IL1RAPL2: variants seen among roughly 807,000 people sequenced by gnomAD.
IL1RAPL2 encodes X-linked interleukin-1 receptor accessory protein-like 2.
A neutral mutation model predicts 44.1 loss-of-function variants in IL1RAPL2; 3 were observed. The observed-to-expected ratio is 0.07, with a 90% CI of 0.03 to 0.18. IL1RAPL2 has a LOEUF of 0.18. IL1RAPL2 is among the 10% of genes least tolerant of loss of function. IL1RAPL2 has a pLI of 1.00. For missense variants in IL1RAPL2, 391 were observed against 496.4 expected (o/e 0.79, Z 2.02); for synonymous variants, 181 against 178.8 (o/e 1.01, Z -0.10).
At chrX:104,804,986 G>T (rs766314222) in intron 2 of IL1RAPL2, among the ~76,000 whole-genome samples, 1 of 112,115 alleles carries the variant, frequency 8.9e-6, no homozygotes, top group East Asian at 2.8e-4. Context: ...TGTTCTAGAG[G>T]TTGCAAGAAG....
intron 6 of IL1RAPL2, among the ~76,000 whole-genome samples, chrX:105,699,160 A>T (rs186204276): frequency 6.3e-5 from 7 of 111,491 alleles, no homozygotes; most frequent in African/African-American, 2.0e-4. Flanking sequence ...AATCAATTTT[A>T]TACTTAATTT....
intron 5 of IL1RAPL2, among the ~76,000 whole-genome samples, chrX:105,315,153 G>A (rs1031490832): frequency 1.8e-5 from 2 of 110,722 alleles, no homozygotes; most frequent in African/African-American, 3.3e-5. Context: ...ATTAATGTTA[G>A]TCCCCCATCC....
intron 2 of IL1RAPL2, among the ~76,000 whole-genome samples, chrX:104,915,173 G>T (rs948296132): frequency 9.0e-6 from 1 of 111,277 alleles, no homozygotes; most frequent in African/African-American, 3.3e-5. Context: ...CTAGTTTACA[G>T]TCCCACCAAC....
intron 5 of IL1RAPL2, among the ~76,000 whole-genome samples, chrX:105,295,785 T>C (rs1268766638): frequency 8.9e-6 from 1 of 111,816 alleles, no homozygotes; most frequent in Non-Finnish European, 1.9e-5. Flanking sequence ...ATCTAGAGTA[T>C]AGCACTGAAT....
chrX:104,963,989 C>G (rs751770372), intron 2 of IL1RAPL2, among the ~76,000 whole-genome samples: 2 of 109,390 alleles, frequency 1.8e-5, no homozygotes, highest in South Asian at 8.0e-4. Flanking sequence ...AGATATGACC[C>G]TTTATGGATC....
At chrX:105,323,850 T>TG (rs2034914691) in intron 5 of IL1RAPL2, among the ~76,000 whole-genome samples, 1 of 107,980 alleles carries the variant, frequency 9.3e-6, no homozygotes. Flanking sequence ...CACTCCAGTC[T>TG]GGGCAACAGA....
chrX:105,102,189 G>A (rs1031181425), intron 2 of IL1RAPL2, among the ~76,000 whole-genome samples: 1 of 111,347 alleles, frequency 9.0e-6, no homozygotes, highest in African/African-American at 3.3e-5. Context: ...CTGATTTCAT[G>A]TCATCCTCTT....
At chrX:105,184,968 T>G (rs923133208) in intron 2 of IL1RAPL2, among the ~76,000 whole-genome samples, 51 of 111,878 alleles carry the variant, frequency 4.6e-4, no homozygotes, top group African/African-American at 1.6e-3. Flanking sequence ...ATTATCTGTG[T>G]GTCAGTCCCT....
chrX:104,577,079 C>G (rs930097532), intron 1 of IL1RAPL2, among the ~76,000 whole-genome samples: 2 of 112,139 alleles, frequency 1.8e-5, no homozygotes, highest in Admixed American at 1.9e-4. Context: ...GACTTTCTAA[C>G]TCCATTCATT....
At chrX:105,489,787 T>TTCTCTCTCTCTCTCTCTCTCTCTC (rs36081932) in intron 6 of IL1RAPL2, among the ~76,000 whole-genome samples, 1 of 73,371 alleles carries the variant, frequency 1.4e-5, no homozygotes, top group African/African-American at 5.4e-5. Context: ...CTTTCTCTCT[T>TTCTCTCTCTCTCTCTCTCTCTCTC]TCTCTCTCTC....
chrX:104,579,652 A>G (rs1235065211), intron 1 of IL1RAPL2, among the ~76,000 whole-genome samples: 6 of 111,825 alleles, frequency 5.4e-5, no homozygotes, highest in African/African-American at 2.0e-4. Context: ...ATCAGGCACT[A>G]GCCTTAGTAC....
chrX:105,660,836 C>G (rs941710042), intron 6 of IL1RAPL2, among the ~76,000 whole-genome samples: 2 of 110,262 alleles, frequency 1.8e-5, no homozygotes, highest in Non-Finnish European at 3.8e-5. Context: ...ATTGCCTTCA[C>G]TAAAAGGAAG....
chrX:105,568,046 T>TAGG (rs1191094697), intron 6 of IL1RAPL2, among the ~76,000 whole-genome samples: 3 of 111,187 alleles, frequency 2.7e-5, no homozygotes, highest in Non-Finnish European at 3.8e-5. Context: ...ATAGGAGAGA[T>TAGG]AATTGAACTG....
chrX:104,946,289 C>T (rs1925348585), intron 2 of IL1RAPL2, among the ~76,000 whole-genome samples: 2 of 88,945 alleles, frequency 2.2e-5, no homozygotes, highest in African/African-American at 4.3e-5. Flanking sequence ...AGGAGAATGG[C>T]GTGAACCCGG....
chrX:105,244,610 T>C (rs2034203919), intron 4 of IL1RAPL2, among the ~76,000 whole-genome samples: 1 of 111,555 alleles, frequency 9.0e-6, no homozygotes, highest in Non-Finnish European at 1.9e-5. Context: ...CGATCCCCAG[T>C]TGTTCCAAGA....
chrX:105,539,889 G>A (rs1400700789), intron 6 of IL1RAPL2, among the ~76,000 whole-genome samples: 5 of 111,470 alleles, frequency 4.5e-5, no homozygotes, highest in Admixed American at 3.8e-4. Flanking sequence ...CTCAAAAGAA[G>A]ACACACAAGC....
intron 2 of IL1RAPL2, among the ~76,000 whole-genome samples, chrX:104,659,355 G>T (rs1032971403): frequency 4.5e-5 from 5 of 111,960 alleles, no homozygotes; most frequent in Non-Finnish European, 9.4e-5. Flanking sequence ...AATTGAGTGT[G>T]TAGCATTGCA....
intron 2 of IL1RAPL2, among the ~76,000 whole-genome samples, chrX:104,672,113 T>C (rs182797307): frequency 9.0e-6 from 1 of 111,462 alleles, no homozygotes; most frequent in Non-Finnish European, 1.9e-5. Flanking sequence ...CTTTTTTTTT[T>C]ATACTTTAAG....
At chrX:104,609,831 C>T (rs193238731) in intron 1 of IL1RAPL2, among the ~76,000 whole-genome samples, 63 of 111,821 alleles carry the variant, frequency 5.6e-4, no homozygotes, top group African/African-American at 1.9e-3. Context: ...TTATTACCCA[C>T]CTTCTGAAGC....
Sources: gnomAD v4.1 joint callset for allele counts (sites outside exome capture counted in the v4.1 genomes callset) on GRCh38, gnomAD v4.1.1 for gene constraint, MANE v1.5 for transcripts, NCBI Gene and HGNC (gene_info 2026-07-23, HGNC 2026-07-21) for gene names.